The following SAP130 variants were observed in gnomAD, a reference collection of about 807,000 sequenced individuals.
The protein encoded by SAP130 is histone deacetylase complex subunit SAP130.
SAP130 carries 16 observed loss-of-function variants against 103.2 expected under a neutral mutation model. The observed-to-expected ratio is 0.16, with a 90% CI of 0.10 to 0.24. SAP130 has a LOEUF of 0.24. SAP130 is among the 10% of genes least tolerant of loss of function. The probability of loss-of-function intolerance (pLI) is 1.00; values close to 1 mark genes in which losing one functional copy is unlikely to be tolerated. For synonymous variants in SAP130, 477 were observed against 497.0 expected, an observed-to-expected ratio of 0.96 and a Z score of 0.53; for missense variants, 990 against 1,359.7, an observed-to-expected ratio of 0.73 and a Z score of 4.28.
chr2:127,987,796 G>C (rs893298856), intron 13 of SAP130, among the ~76,000 whole-genome samples: 5 of 151,990 alleles, frequency 3.3e-5, no homozygotes, highest in Admixed American at 2.6e-4. Flanking sequence ...CTCAATAATG[G>C]TACCCTCCCC....
Position 127,941,637 on chromosome 2 carries a change from T to C in SAP130, c.*369A>G, listed in dbSNP as rs1678717944. 4.5e-6 allele frequency: 1 copy of C among 220,054 alleles called. No homozygotes were observed. Among genetic ancestry groups the C allele is most frequent in the South Asian group, 7.7e-5 (1 of 12,946 alleles). The allele number at this position is 220,054 out of a possible 1,614,324, so 13.6% of individuals were successfully genotyped here. A position where few individuals can be genotyped will look rare whatever the true frequency, so the allele number is the denominator to read the frequency against. On this transcript the variant is annotated 3_prime_UTR_variant, in exon 21 of 21. Coordinates refer to ENST00000643581, the MANE Select transcript of SAP130 (RefSeq NM_001330301.2). Reference sequence around the variant, plus strand: ...AGATGGTCCGAGTGGATACTTTCAGTCCAGGCTCAGTATGGGGCCTGCAGG... The same window carrying C: ...AGATGGTCCGAGTGGATACTTTCAGCCCAGGCTCAGTATGGGGCCTGCAGG...
intron 7 of SAP130, among the ~76,000 whole-genome samples, chr2:128,008,131 T>C (rs971337930): frequency 1.3e-5 from 2 of 152,214 alleles, no homozygotes; most frequent in Admixed American, 6.5e-5. Context: ...CCACACCTAC[T>C]ATCCTTGCTT....
intron 1 of SAP130, chr2:128,026,941 CCCG>C: frequency 1.5e-6 from 1 of 668,566 alleles, no homozygotes. Flanking sequence ...TCCCGATTCG[CCCG>C]CAACCCCACC....
intron 18 of SAP130, among the ~76,000 whole-genome samples, chr2:127,946,601 G>A (rs1376276908): frequency 2.0e-5 from 3 of 151,992 alleles, no homozygotes; most frequent in African/African-American, 7.3e-5. Context: ...ATGTAATGTA[G>A]TCTGACCGCA....
At chr2:127,985,745 T>C (rs978684727) in intron 14 of SAP130, among the ~76,000 whole-genome samples, 9 of 151,802 alleles carry the variant, frequency 5.9e-5, no homozygotes, top group African/African-American at 1.7e-4. Context: ...TGCCCAAATG[T>C]TGCATTTCCC....
At chr2:128,005,922 G>A (rs905540826) in intron 7 of SAP130, among the ~76,000 whole-genome samples, 1 of 152,074 alleles carries the variant, frequency 6.6e-6, no homozygotes, top group African/African-American at 2.4e-5. Flanking sequence ...GAGCCACCAT[G>A]CCTGGCCAAT....
chr2:128,018,817 G>A (rs1190127035), intron 2 of SAP130, among the ~76,000 whole-genome samples: 3 of 151,362 alleles, frequency 2.0e-5, no homozygotes, highest in Non-Finnish European at 2.9e-5. Context: ...AAAAAAGGTG[G>A]TTGGGGGCTG....
intron 1 of SAP130, among the ~76,000 whole-genome samples, chr2:128,026,885 C>G (rs560849359): frequency 6.6e-6 from 1 of 152,236 alleles, no homozygotes; most frequent in Non-Finnish European, 1.5e-5. Flanking sequence ...CCTTCTCCAT[C>G]TTCCCTAAAA....
intron 15 of SAP130, among the ~76,000 whole-genome samples, chr2:127,968,664 C>T (rs1007307672): frequency 6.6e-6 from 1 of 151,940 alleles, no homozygotes; most frequent in Non-Finnish European, 1.5e-5. Flanking sequence ...ACAACAGGTG[C>T]ACCACTACGC....
At chr2:127,980,232 A>T (rs1681766918) in intron 14 of SAP130, among the ~76,000 whole-genome samples, 1 of 152,176 alleles carries the variant, frequency 6.6e-6, no homozygotes, top group Non-Finnish European at 1.5e-5. Context: ...GATAAAAGTT[A>T]AAAAAGCAAG....
At chr2:127,984,518 A>C (rs1220670090) in intron 14 of SAP130, among the ~76,000 whole-genome samples, 1 of 152,210 alleles carries the variant, frequency 6.6e-6, no homozygotes, top group Non-Finnish European at 1.5e-5. Flanking sequence ...CATGTCTACT[A>C]TGAGGTCCAC....
At chr2:127,952,441 A>G (rs1281446364) in intron 16 of SAP130, among the ~76,000 whole-genome samples, 1 of 94,102 alleles carries the variant, frequency 1.1e-5, no homozygotes, top group African/African-American at 4.0e-5. Flanking sequence ...AAAGAGCACA[A>G]CTCCATCTTA....
Position 127,961,517 on chromosome 2 carries a change from C to CT in SAP130, c.2064-6174dup, listed in dbSNP as rs10709267. ...GTCATAGCATATACCTCATACCTTGCTTTTTTTTTTTTTTTTGACTCAATT... is the reference window on the plus strand; with the variant it reads ...GTCATAGCATATACCTCATACCTTGCTTTTTTTTTTTTTTTTTGACTCAATT... On this transcript the variant is annotated intron_variant, in intron 15 of 20. Transcript: ENST00000643581. 9.9e-3 allele frequency among the ~76,000 whole-genome samples: 1,275 copies of CT among 129,368 alleles called. 22 individuals carry two copies. The highest frequency in any genetic ancestry group is 0.028 in the African/African-American group (988 of 35,360). The allele number at this position is 129,368 out of a possible 152,430, so 84.9% of individuals were successfully genotyped here.
intron 13 of SAP130, among the ~76,000 whole-genome samples, chr2:127,988,969 C>T (rs1039476490): frequency 6.6e-6 from 1 of 152,140 alleles, no homozygotes. Flanking sequence ...GCTTTATGTA[C>T]AACTCTGAAG....
chr2:127,983,553 T>A (rs1032779500), intron 14 of SAP130, among the ~76,000 whole-genome samples: 2 of 151,920 alleles, frequency 1.3e-5, no homozygotes, highest in African/African-American at 4.8e-5. Context: ...GAGTCCCAGG[T>A]TTAAAGCAAG....
intron 16 of SAP130, among the ~76,000 whole-genome samples, chr2:127,951,720 G>A (rs1183410984): frequency 2.6e-5 from 4 of 152,266 alleles, no homozygotes; most frequent in East Asian, 1.9e-4. Flanking sequence ...CTGCACCTAC[G>A]CAACTGAATG....
chr2:127,990,830 A>G (rs983001937), intron 12 of SAP130, among the ~76,000 whole-genome samples: 2 of 151,636 alleles, frequency 1.3e-5, no homozygotes, highest in African/African-American at 4.8e-5. Flanking sequence ...GGTTCCAGCT[A>G]CTCAGGAGGC....
chr2:128,007,263 A>G (rs866120609), intron 7 of SAP130, among the ~76,000 whole-genome samples: 1 of 152,222 alleles, frequency 6.6e-6, no homozygotes, highest in Non-Finnish European at 1.5e-5. Context: ...CTGAGCACCA[A>G]GTACTATACG....
intron 14 of SAP130, among the ~76,000 whole-genome samples, chr2:127,980,469 A>C (rs185562409): frequency 6.6e-6 from 1 of 152,266 alleles, no homozygotes; most frequent in Non-Finnish European, 1.5e-5. Context: ...TGCTCCATGA[A>C]AGTTTAAAAC....
Sources: allele counts gnomAD v4.1 joint callset (sites outside exome capture counted in the v4.1 genomes callset), GRCh38; gene constraint gnomAD v4.1.1; transcripts MANE v1.5; gene names NCBI Gene and HGNC (gene_info 2026-07-23, HGNC 2026-07-21).